TACC1: variants seen among roughly 807,000 people sequenced by gnomAD.
TACC1 encodes the protein transforming acidic coiled-coil-containing protein 1.
A neutral mutation model predicts 84.4 loss-of-function variants in TACC1; 48 were observed. That is an observed-to-expected ratio of 0.57 (90% confidence interval 0.45 to 0.72). TACC1 has a LOEUF of 0.72. Ranked by LOEUF, TACC1 falls within the 30% of genes least tolerant of loss-of-function variation. TACC1 has a pLI of 0.00. For synonymous variants in TACC1, 372 were observed against 376.3 expected (o/e 0.99, Z 0.13); for missense variants, 920 against 973.0 (o/e 0.95, Z 0.72).
intron 2 of TACC1, among the ~76,000 whole-genome samples, chr8:38,796,039 C>A (rs1009958859): frequency 6.6e-6 from 1 of 152,208 alleles, no homozygotes; most frequent in Non-Finnish European, 1.5e-5. Flanking sequence ...TGATTGATCT[C>A]CAGCTTTCCC....
intron 3 of TACC1, among the ~76,000 whole-genome samples, chr8:38,750,038 G>C (rs1381701760): frequency 2.0e-5 from 3 of 152,148 alleles, no homozygotes; most frequent in African/African-American, 7.2e-5. Context: ...TAAGAAGGGG[G>C]TAAAAGGTCT....
chr8:38,788,809 CA>C lies in TACC1; in HGVS notation c.271del (p.Ser91AlafsTer12). ...CACTCGGATTGGCAGGACCTGGGGCCAAAAGCCAAGGTAAAGAAAAACTTGC... is the reference window on the plus strand; with the variant it reads ...CACTCGGATTGGCAGGACCTGGGGCCAAAGCCAAGGTAAAGAAAAACTTGC... Reference protein sequence around the residue: ...PSLGLAGPGAKSQESQEADEQ... With the variant: ...PSLGLAGPGAXSQESQEADEQ... On this transcript the variant is annotated frameshift_variant, in exon 2 of 13. Transcript: ENST00000317827. LOFTEE classifies it high-confidence loss of function. The C allele has an allele frequency of 6.2e-7, 1 of 1,606,516 alleles. No individual in the cohort carries two copies. The highest frequency in any genetic ancestry group is 1.7e-5 in the Admixed American group (1 of 58,290).
At chr8:38,760,962 A>G (rs1050763642) in intron 3 of TACC1, among the ~76,000 whole-genome samples, 2 of 152,232 alleles carry the variant, frequency 1.3e-5, no homozygotes, top group Non-Finnish European at 2.9e-5. Context: ...TTTGGAAGGT[A>G]TATTCATGAG....
intron 9 of TACC1, among the ~76,000 whole-genome samples, chr8:38,841,718 C>G (rs1210200578): frequency 6.6e-6 from 1 of 152,162 alleles, no homozygotes; most frequent in Non-Finnish European, 1.5e-5. Flanking sequence ...CTGGGAGCAT[C>G]CTGTGTTTTG....
rs982141099 is a variant in TACC1 at position 38,779,383 on chromosome 8, G to T, written c.27-9321G>T. Among the ~76,000 whole-genome samples the T allele has an allele frequency of 3.3e-5, 5 of 152,308 alleles. No individual in the cohort carries two copies. The East Asian group carries it at 9.6e-4, about 29-fold the overall frequency. Reference sequence around the variant, plus strand: ...GTCACTTAGATGAAACCCACAGGCTGCCCAGTAACATGGGCTCCCACTGGG... The same window carrying T: ...GTCACTTAGATGAAACCCACAGGCTTCCCAGTAACATGGGCTCCCACTGGG... On this transcript the variant is annotated intron_variant, in intron 3 of 14. Transcript: ENST00000518415.
chr8:38,835,617 C>T (rs11775959), intron 6 of TACC1, among the ~76,000 whole-genome samples: 29,904 of 152,180 alleles, frequency 0.2, 3,513 homozygotes, highest in Non-Finnish European at 0.27. Flanking sequence ...CTGAATCATC[C>T]GGGTGAAAGG....
chr8:38,808,439 G>T (rs1022797659), intron 2 of TACC1, among the ~76,000 whole-genome samples: 1 of 152,170 alleles, frequency 6.6e-6, no homozygotes, highest in African/African-American at 2.4e-5. Context: ...ATTTCCCAGG[G>T]ACTTGCTCTG....
intron 2 of TACC1, among the ~76,000 whole-genome samples, chr8:38,793,916 A>G (rs1215427288): frequency 1.3e-5 from 2 of 152,062 alleles, no homozygotes; most frequent in East Asian, 1.9e-4. Context: ...ACCTACATCT[A>G]TACTTATTAC....
chr8:38,836,435 C>G (rs1830250019), intron 7 of TACC1, 148 bp downstream of exon 7: 1 of 1,064,034 alleles, frequency 9.4e-7, no homozygotes, highest in Non-Finnish European at 1.3e-6. Flanking sequence ...AAAAGGGCCC[C>G]CTGTGGCAGT....
Position 38,825,767 on chromosome 8 carries a change from G to A in TACC1, c.1452+399G>A, listed in dbSNP as rs144534749. 3.7e-4 allele frequency among the ~76,000 whole-genome samples: 57 copies of A among 152,312 alleles called. 1 individual carries two copies. In the East Asian group the frequency reaches 7.3e-3, roughly 20 times the overall value. The stretch of plus-strand genomic sequence containing the variant: ...TGCTTTCAACAATAGAGGAAAACCT[G>A]AGTTGTCAGCTGATAGGTCTAAAAA... On this transcript the variant is annotated intron_variant, in intron 4 of 12. Transcript: ENST00000317827.
intron 12 of TACC1, 149 bp from the exon 13 acceptor site, chr8:38,847,806 C>G: frequency 3.5e-6 from 2 of 568,148 alleles, no homozygotes; most frequent in South Asian, 5.8e-5. Context: ...GCCTTTTTTT[C>G]TTTAAAGCAT....
At position 38,831,118 on chromosome 8, in the gene TACC1, G is replaced by A. The variant is rs781236841; in HGVS notation, c.1661-7G>A. 6.2e-7 allele frequency: 1 copy of A among 1,614,126 alleles called. No individual in the cohort carries two copies. The highest frequency in any genetic ancestry group is 1.7e-5 in the Admixed American group (1 of 60,028). ...GGGATAACTATAAAAATGACTTTCT[G>A]TCTTAGGCATAGAGAAGGAGACGTG... On this transcript the variant is annotated splice_region_variant and splice_polypyrimidine_tract_variant and intron_variant, in intron 5 of 12. Transcript: ENST00000317827.
intron 3 of TACC1, among the ~76,000 whole-genome samples, chr8:38,752,746 G>C (rs1297924528): frequency 6.6e-6 from 1 of 152,032 alleles, no homozygotes; most frequent in Non-Finnish European, 1.5e-5. Context: ...TCACAGGCAG[G>C]CATAAATTAC....
At chr8:38,839,239 C>A (rs983017119) in intron 8 of TACC1, 1 of 385,002 alleles carries the variant, frequency 2.6e-6, no homozygotes, top group East Asian at 3.6e-5. Context: ...AATTACATAA[C>A]CACCAAATAG....
At chr8:38,801,440 C>T (rs969730814) in intron 2 of TACC1, among the ~76,000 whole-genome samples, 3 of 152,148 alleles carry the variant, frequency 2.0e-5, no homozygotes, top group Non-Finnish European at 4.4e-5. Context: ...TGTGGATATC[C>T]AGTTGTCCCA....
chr8:38,808,695 C>T (rs1183907828), intron 2 of TACC1, among the ~76,000 whole-genome samples: 2 of 152,204 alleles, frequency 1.3e-5, no homozygotes, highest in South Asian at 4.1e-4. Context: ...GGATTACAGG[C>T]GTGAGCTGCT....
Position 38,820,368 on chromosome 8 carries a change from G to A in TACC1, c.1124G>A (p.Gly375Glu), listed in dbSNP as rs776225489. The stretch of plus-strand genomic sequence containing the variant: ...CCTACAGACCCAGTGGCACGAGACG[G>A]GCCTCTCTCCCAAACATCTTCCAAG... ...EQPTDPVARDGPLSQTSSKPD... is the reference protein window; with the variant it reads ...EQPTDPVARDEPLSQTSSKPD... The change falls in exon 3 of 13, where the codon GGG (glycine) becomes GAG (glutamate). Residue 375 changes from glycine (G) to glutamate (E), a missense_variant. Physicochemically the swap from Gly to Glu is moderately conservative, Grantham distance 98 (BLOSUM62 -2). This residue lies in a region of TACC1 where 762 missense variants were observed against 747.3 expected (regional missense o/e 1.02). Transcript: ENST00000317827. 1 of 1,614,086 alleles carries A rather than the reference G, an allele frequency of 6.2e-7. No homozygotes were observed. The highest frequency in any genetic ancestry group is 8.5e-7 in the Non-Finnish European group (1 of 1,180,014).
intron 3 of TACC1, among the ~76,000 whole-genome samples, chr8:38,776,109 T>C (rs1018145557): frequency 6.6e-6 from 1 of 152,270 alleles, no homozygotes; most frequent in African/African-American, 2.4e-5. Flanking sequence ...TATACAATCA[T>C]ATTATTTCAA....
chr8:38,797,238 G>T (rs969196556), intron 2 of TACC1, among the ~76,000 whole-genome samples: 2 of 152,226 alleles, frequency 1.3e-5, no homozygotes, highest in South Asian at 2.1e-4. Context: ...TATTTCCACA[G>T]TATCCTTTTG....
Sources: allele counts gnomAD v4.1 joint callset (sites outside exome capture counted in the v4.1 genomes callset), GRCh38; gene constraint gnomAD v4.1.1; regional missense constraint gnomAD v4.1.1; transcripts MANE v1.5; gene names NCBI Gene and HGNC (gene_info 2026-07-23, HGNC 2026-07-21).